NTMT1: variants seen among roughly 807,000 people sequenced by gnomAD.
The protein encoded by NTMT1 is N-terminal RCC1 methyltransferase.
Under a neutral mutation model 17.5 loss-of-function variants are expected in NTMT1, and 8 were observed. The ratio of observed to expected loss-of-function variants is 0.46; its 90% confidence interval spans 0.27 to 0.82. NTMT1 has a LOEUF of 0.82. NTMT1 is among the 40% of genes least tolerant of loss of function. NTMT1 has a pLI of 0.15. For synonymous variants in NTMT1, 128 were observed against 126.8 expected (o/e 1.01, Z -0.06); for missense variants, 221 against 303.5 (o/e 0.73, Z 2.02).
At chr9:129,612,543 T>G (rs759227293) in intron 1 of NTMT1, 31 of 1,004,302 alleles carry the variant, frequency 3.1e-5, no homozygotes, top group Non-Finnish European at 4.3e-5. Context: ...TGAAGCCCTG[T>G]TGGGCAGGTA....
At chr9:129,612,338 C>T (rs771086532) in intron 1 of NTMT1, 12 of 1,610,400 alleles carry the variant, frequency 7.5e-6, no homozygotes, top group Non-Finnish European at 6.8e-6. Flanking sequence ...GCCTTGGGTT[C>T]GCGAGTGTTC....
intron 1 of NTMT1, chr9:129,619,770 C>T: frequency 6.2e-7 from 1 of 1,614,074 alleles, no homozygotes; most frequent in Non-Finnish European, 8.5e-7. Context: ...ACAGTTGGGA[C>T]ACCGCGGAGA....
At chr9:129,610,387 T>A (rs1218918174) in intron 1 of NTMT1, among the ~76,000 whole-genome samples, 1 of 148,918 alleles carries the variant, frequency 6.7e-6, no homozygotes, top group Non-Finnish European at 1.5e-5. Context: ...CCCCGGGGGC[T>A]CCACGCGGAC....
Position 129,620,677 on chromosome 9 carries a change from G to A in NTMT1, c.-55+11499G>A. On this transcript the variant is annotated intron_variant, in intron 1 of 3. Transcript: ENST00000372486. The surrounding 1 kb of genome is among the most constrained non-coding windows in gnomAD (Gnocchi z 5.8). The stretch of plus-strand genomic sequence containing the variant: ...TCCAGCCCCAGGCCATAGTGCCCCG[G>A]GCGGGGCAGCGCGGTGCGGGGTGAA... The A allele has an allele frequency of 9.1e-7, 1 of 1,095,892 alleles. No homozygotes were observed. Among genetic ancestry groups the A allele is most frequent in the Non-Finnish European group, 1.2e-6 (1 of 863,120 alleles). 67.9% of individuals were successfully genotyped at this position (1,095,892 alleles called of 1,614,324 possible). A position where few individuals can be genotyped will look rare whatever the true frequency, so the allele number is the denominator to read the frequency against.
At chr9:129,634,742 T>G in intron 3 of NTMT1, 1 of 218,970 alleles carries the variant, frequency 4.6e-6, no homozygotes. Flanking sequence ...CTAGCAGCAG[T>G]CGGCCACCTC....
intron 2 of NTMT1, 115 bp from the exon 3 acceptor site, chr9:129,633,939 A>C (rs1054245905): frequency 2.4e-6 from 3 of 1,234,258 alleles, no homozygotes; most frequent in Non-Finnish European, 3.3e-6. Context: ...ACCAGTGCTC[A>C]GCTTGTGCGG....
At chr9:129,617,596 T>C (rs1268139810) in intron 1 of NTMT1, among the ~76,000 whole-genome samples, 1 of 152,256 alleles carries the variant, frequency 6.6e-6, no homozygotes, top group Non-Finnish European at 1.5e-5. Context: ...CATACTTTTA[T>C]TTATTTGTAT....
chr9:129,609,500 G>A (rs1354510496), intron 1 of NTMT1, among the ~76,000 whole-genome samples: 5 of 152,082 alleles, frequency 3.3e-5, no homozygotes, highest in Non-Finnish European at 5.9e-5. Context: ...GAGCTTTCCT[G>A]GCCTCCCTGA....
chr9:129,608,889 G>C (rs1830056716), exon 1 of NTMT1: 1 of 152,598 alleles, frequency 6.6e-6, no homozygotes, highest in South Asian at 2.1e-4. Context: ...TCCCTGCTCC[G>C]AGGTGCCCCA....
intron 2 of NTMT1, among the ~76,000 whole-genome samples, 167 bp from the exon 3 acceptor site, chr9:129,633,887 C>G (rs527951875): frequency 6.6e-6 from 1 of 152,278 alleles, no homozygotes; most frequent in East Asian, 1.9e-4. Context: ...CATGCTCATC[C>G]CCTCGACTCC....
At chr9:129,609,894 G>C (rs952719096) in intron 1 of NTMT1, among the ~76,000 whole-genome samples, 2 of 152,024 alleles carry the variant, frequency 1.3e-5, no homozygotes, top group African/African-American at 4.8e-5. Context: ...GTGTGAGGTC[G>C]GCCTGTGTTC....
rs1024658420 is a variant in NTMT1, at chr9:129,620,269, C to A, written c.-55+11091C>A. 2 of 1,312,858 alleles carry A rather than the reference C, an allele frequency of 1.5e-6. No individual in the cohort carries two copies. The highest frequency in any genetic ancestry group is 1.9e-6 in the Non-Finnish European group (2 of 1,026,362). 81.3% of individuals were successfully genotyped at this position (1,312,858 alleles called of 1,614,324 possible). A position where few individuals can be genotyped will look rare whatever the true frequency, so the allele number is the denominator to read the frequency against. ...ACGCGCCGGCCGACAGCAGGGGAGG[C>A]GGCAGCAGGGACCGCAGCAGCCCCC... On this transcript the variant is annotated intron_variant, in intron 1 of 3. Transcript: ENST00000372486. This position sits in a 1 kb window ranked among gnomAD's most constrained non-coding sequence, Gnocchi z 5.8.
Sources: gnomAD v4.1 joint callset for allele counts (sites outside exome capture counted in the v4.1 genomes callset) on GRCh38, gnomAD v4.1.1 for gene constraint, Gnocchi (gnomAD v3.1) non-coding constraint, MANE v1.5 for transcripts, NCBI Gene and HGNC (gene_info 2026-07-23, HGNC 2026-07-21) for gene names.